DRAXIN: variants seen among roughly 807,000 people sequenced by gnomAD.
DRAXIN encodes dorsal inhibitory axon guidance protein, also known as dorsal repulsive axon guidance protein.
In DRAXIN, 27 loss-of-function variants were observed where a neutral mutation model predicts 33.9. The observed-to-expected ratio is 0.80, with a 90% CI of 0.59 to 1.10. The LOEUF is 1.10. Ranked by LOEUF, DRAXIN falls within the 50% of genes least tolerant of loss-of-function variation. DRAXIN has a pLI of 0.00. For missense variants in DRAXIN, 371 were observed against 460.8 expected (o/e 0.81, Z 1.78); for synonymous variants, 178 against 194.0 (o/e 0.92, Z 0.69).
intron 1 of DRAXIN, among the ~76,000 whole-genome samples, chr1:11,702,107 G>A (rs997157497): frequency 2.8e-5 from 4 of 144,488 alleles, no homozygotes; most frequent in African/African-American, 1.0e-4. Context: ...TCACACACGC[G>A]AGTTCACACA....
Position 11,694,244 on chromosome 1 carries a change from G to A in DRAXIN, c.-11+2391G>A, listed in dbSNP as rs1641155017. ...GGGCTCTGTGCACACCTGTTATATT[G>A]AATGTGATTCCTGGTCAAAGGCACA... On this transcript the variant is annotated intron_variant, in intron 1 of 6. Transcript: ENST00000294485. This position sits in a 1 kb window ranked among gnomAD's most constrained non-coding sequence, Gnocchi z 4.9. Among the ~76,000 whole-genome samples, 1 of 152,036 alleles carries A rather than the reference G, an allele frequency of 6.6e-6. No homozygotes were observed. Among genetic ancestry groups the A allele is most frequent in the Non-Finnish European group, 1.5e-5 (1 of 68,020 alleles).
intron 5 of DRAXIN, 126 bp downstream of exon 5, chr1:11,712,555 C>T: frequency 1.1e-6 from 1 of 870,812 alleles, no homozygotes; most frequent in Non-Finnish European, 1.8e-6. Flanking sequence ...TAAATAATAA[C>T]AACAGCTGCC....
intron 1 of DRAXIN, among the ~76,000 whole-genome samples, chr1:11,693,767 G>C (rs1451724286): frequency 2.6e-5 from 4 of 152,142 alleles, no homozygotes; most frequent in African/African-American, 9.7e-5. Context: ...TGGGAACCTT[G>C]CTCAGGTCCT....
chr1:11,720,044 T>G lies in DRAXIN; in HGVS notation c.*348T>G, dbSNP rs1177948081. 7.6e-6 allele frequency: 2 copies of G among 262,404 alleles called. No homozygotes were observed. The highest frequency in any genetic ancestry group is 5.2e-5 in the South Asian group (1 of 19,216). The allele number at this position is 262,404 out of a possible 1,614,324, so 16.3% of individuals were successfully genotyped here. On this transcript the variant is annotated 3_prime_UTR_variant, in exon 7 of 7. Transcript: ENST00000294485. ...GCGTTTTTGAGAGTGGAAAAGAAAT[T>G]TAAACTTCCCGAAAGAAGGTCCACC...
At chr1:11,695,105 T>G (rs1452499369) in intron 1 of DRAXIN, among the ~76,000 whole-genome samples, 2 of 151,788 alleles carry the variant, frequency 1.3e-5, no homozygotes, top group Admixed American at 6.6e-5. Flanking sequence ...GATGGCAGCA[T>G]GAGGAGCAGT....
Position 11,694,127 on chromosome 1 carries a change from C to T in DRAXIN, c.-11+2274C>T, listed in dbSNP as rs1044019074. Among the ~76,000 whole-genome samples the T allele has an allele frequency of 3.6e-4, 55 of 152,116 alleles. 1 individual carries two copies. Among genetic ancestry groups the T allele is most frequent in the Non-Finnish European group, 8.8e-5 (6 of 68,036 alleles). The stretch of plus-strand genomic sequence containing the variant: ...GCCTCCCTAGCTCTTGTGAACTGCA[C>T]GGCATAATCCCTATCTGGGAGGGGT... On this transcript the variant is annotated intron_variant, in intron 1 of 6. Coordinates refer to ENST00000294485, the MANE Select transcript of DRAXIN (RefSeq NM_198545.4). The surrounding 1 kb of genome is among the most constrained non-coding windows in gnomAD (Gnocchi z 4.9).
rs746970961 is a variant in DRAXIN, at chr1:11,722,818, TTC to T, written c.*3128_*3129del. The T allele has an allele frequency of 9.2e-5, 14 of 152,240 alleles. No homozygotes were observed. The highest frequency in any genetic ancestry group is 2.2e-4 in the African/African-American group (9 of 40,700). 9.4% of individuals were successfully genotyped at this position (152,240 alleles called of 1,614,324 possible). A position where few individuals can be genotyped will look rare whatever the true frequency, so the allele number is the denominator to read the frequency against. On this transcript the variant is annotated 3_prime_UTR_variant, in exon 7 of 7. Transcript: ENST00000294485. ...ACTTTTCACATGTCACAAAATATTA[TTC>T]TCTCTTTCCTTTTTTTTTTTTTTGG...
chr1:11,716,584 C>T (rs1387956530), intron 6 of DRAXIN, among the ~76,000 whole-genome samples: 1 of 152,140 alleles, frequency 6.6e-6, no homozygotes, highest in African/African-American at 2.4e-5. Flanking sequence ...CACTGCACTC[C>T]GGCCTGGATG....
upstream of DRAXIN, among the ~76,000 whole-genome samples, chr1:11,690,929 A>C (rs1557683864): frequency 6.6e-6 from 1 of 150,552 alleles, no homozygotes; most frequent in Non-Finnish European, 1.5e-5. The surrounding 1 kb of genome is among the most constrained non-coding windows in gnomAD (Gnocchi z 4.2). Context: ...GCCGCGTGTG[A>C]GTGTGTGTGT....
rs766309740 is a variant in DRAXIN at position 11,720,952 on chromosome 1, A to G, written c.*1256A>G. 6.6e-6 allele frequency: 1 copy of G among 152,262 alleles called. No homozygotes were observed. The highest frequency in any genetic ancestry group is 2.4e-5 in the African/African-American group (1 of 41,470). 9.4% of individuals were successfully genotyped at this position (152,262 alleles called of 1,614,324 possible). ...CTTAAGCACATACTTGCTTGCAGGAATAAGTTGGGCAGGTTGATCCCTGTG... is the reference window on the plus strand; with the variant it reads ...CTTAAGCACATACTTGCTTGCAGGAGTAAGTTGGGCAGGTTGATCCCTGTG... On this transcript the variant is annotated 3_prime_UTR_variant, in exon 7 of 7. Transcript: ENST00000294485.
chr1:11,712,514 G>A (rs1641510337), intron 5 of DRAXIN, 85 bp downstream of exon 5: 5 of 1,362,838 alleles, frequency 3.7e-6, no homozygotes, highest in Middle Eastern at 1.8e-4. Flanking sequence ...ACATGTGCAG[G>A]ACCTGAGAAT....
Position 11,711,874 on chromosome 1 carries a change from G to A in DRAXIN, c.666G>A (p.Gly222=). The change falls in exon 4 of 7, where the codon GGG becomes GGA. Residue 222 remains glycine (G), a synonymous_variant. Transcript: ENST00000294485. ...AGCAGGCACAGCCCAGGTCTGACGGGGAGGTGATGCCCACGCTGGACATGG... is the reference window on the plus strand; with the variant it reads ...AGCAGGCACAGCCCAGGTCTGACGGAGAGGTGATGCCCACGCTGGACATGG... ...RPQQAQPRSD[G]EVMPTLDMAL... 1 of 1,613,594 alleles carries A rather than the reference G, an allele frequency of 6.2e-7. No homozygotes were observed. The highest frequency in any genetic ancestry group is 8.5e-7 in the Non-Finnish European group (1 of 1,179,764).
In DRAXIN at chr1:11,711,985, T is replaced by C. The variant is rs1446151992; in HGVS notation, c.757+20T>C. On this transcript the variant is annotated intron_variant, in intron 4 of 6. Coordinates refer to ENST00000294485, the MANE Select transcript of DRAXIN (RefSeq NM_198545.4). ...AGAAAGGTATGCCCACCTACCCCAC[T>C]ATCTTCCATGCCTGGGTGCCCTGCC... 1 of 1,600,372 alleles carries C rather than the reference T, an allele frequency of 6.2e-7. No individual in the cohort carries two copies. Among genetic ancestry groups the C allele is most frequent in the African/African-American group, 1.3e-5 (1 of 74,778 alleles).
rs756541596 is a variant in DRAXIN, at chr1:11,719,627, A to G, written c.981A>G (p.Thr327=). The G allele has an allele frequency of 6.2e-7, 1 of 1,614,072 alleles. No homozygotes were observed. The highest frequency in any genetic ancestry group is 1.1e-5 in the South Asian group (1 of 91,062). The change falls in exon 7 of 7, where the codon ACA becomes ACG. Residue 327 remains threonine, a synonymous_variant. Transcript: ENST00000294485. ...YAKFHRNRRV[T]RRKGRCVEPE... is the part of the protein sequence containing the mutation. ...AATTCCACCGGAACCGCAGGGTTAC[A>G]CGGAGGAAAGGGCGCTGTGTGGAGC...
rs1446174049 is a variant in DRAXIN, at chr1:11,696,960, C to T, written c.-11+5107C>T. 1.3e-5 allele frequency among the ~76,000 whole-genome samples: 2 copies of T among 150,672 alleles called. No individual in the cohort carries two copies. The highest frequency in any genetic ancestry group is 3.0e-5 in the Non-Finnish European group (2 of 67,700). On this transcript the variant is annotated intron_variant, in intron 1 of 6. Transcript: ENST00000294485. This position sits in a 1 kb window ranked among gnomAD's most constrained non-coding sequence, Gnocchi z 4.7. Reference sequence around the variant, plus strand: ...CTAAGGCAGAAGAATCACTTGAGCCCGTGAGGCAGAAGTTGCAGTGAGCCG... The same window carrying T: ...CTAAGGCAGAAGAATCACTTGAGCCTGTGAGGCAGAAGTTGCAGTGAGCCG...
rs1461148843 is a variant in DRAXIN, at chr1:11,696,302, C to G, written c.-11+4449C>G. Among the ~76,000 whole-genome samples the G allele has an allele frequency of 6.6e-6, 1 of 152,186 alleles. No homozygotes were observed. Among genetic ancestry groups the G allele is most frequent in the Non-Finnish European group, 1.5e-5 (1 of 68,038 alleles). On this transcript the variant is annotated intron_variant, in intron 1 of 6. Transcript: ENST00000294485. This position sits in a 1 kb window ranked among gnomAD's most constrained non-coding sequence, Gnocchi z 4.7. Reference sequence around the variant, plus strand: ...CCCATTTACTTTATAAACATTTACTCCCCAGCCGGGTGCGGTGGCTCACGC... The same window carrying G: ...CCCATTTACTTTATAAACATTTACTGCCCAGCCGGGTGCGGTGGCTCACGC...
At position 11,725,140 on chromosome 1, in the gene DRAXIN, A is replaced by G. The variant is rs954353304; in HGVS notation, c.*5444A>G. 3 of 151,942 alleles carry G rather than the reference A, an allele frequency of 2.0e-5. No homozygotes were observed. Among genetic ancestry groups the G allele is most frequent in the Non-Finnish European group, 4.4e-5 (3 of 68,008 alleles). 9.4% of individuals were successfully genotyped at this position (151,942 alleles called of 1,614,324 possible). On this transcript the variant is annotated 3_prime_UTR_variant, in exon 7 of 7. Transcript: ENST00000294485. ...ATCTTAGCCTAGGCAACATAGGGAG[A>G]CCTCATCTCTGCAAAAAATAACAAA...
Position 11,719,869 on chromosome 1 carries a change from C to A in DRAXIN, c.*173C>A. 3.2e-6 allele frequency: 2 copies of A among 625,856 alleles called. No individual in the cohort carries two copies. Among genetic ancestry groups the A allele is most frequent in the East Asian group, 2.8e-5 (1 of 35,286 alleles). The allele number at this position is 625,856 out of a possible 1,614,324, so 38.8% of individuals were successfully genotyped here. On this transcript the variant is annotated 3_prime_UTR_variant, in exon 7 of 7. Coordinates refer to ENST00000294485, the MANE Select transcript of DRAXIN (RefSeq NM_198545.4). ...CTCGGCGAATGAGCTGGGTGGGTGC[C>A]CAGGAGCCGGCCCGCAGCACCTGCA... is the stretch of plus-strand genomic sequence containing the variant.
At chr1:11,716,106 C>T (rs564706432) in intron 6 of DRAXIN, among the ~76,000 whole-genome samples, 10 of 152,326 alleles carry the variant, frequency 6.6e-5, no homozygotes, top group Admixed American at 5.2e-4. Flanking sequence ...TGACCTCAAG[C>T]GATCCACCTG....
Sources: allele counts gnomAD v4.1 joint callset (sites outside exome capture counted in the v4.1 genomes callset), GRCh38; gene constraint gnomAD v4.1.1; non-coding constraint Gnocchi (gnomAD v3.1); transcripts MANE v1.5; gene names NCBI Gene and HGNC (gene_info 2026-07-23, HGNC 2026-07-21).